The following NSRP1 variants were observed in gnomAD, a reference collection of about 807,000 sequenced individuals.
The protein encoded by NSRP1 is nuclear speckle splicing regulatory protein 1.
A neutral mutation model predicts 54.7 loss-of-function variants in NSRP1; 24 were observed. The observed-to-expected ratio is 0.44, with a 90% CI of 0.32 to 0.62. NSRP1 has a LOEUF of 0.62. Among genes scored for constraint, NSRP1 ranks in the 20% least tolerant of loss-of-function variants. NSRP1 has a pLI of 0.06. For synonymous variants in NSRP1, 210 were observed against 213.8 expected (o/e 0.98, Z 0.15); for missense variants, 596 against 651.2 (o/e 0.92, Z 0.92).
intron 1 of NSRP1, among the ~76,000 whole-genome samples, chr17:30,117,780 A>C (rs1405117470): frequency 6.7e-6 from 1 of 148,876 alleles, no homozygotes; most frequent in Non-Finnish European, 1.5e-5. Flanking sequence ...TTTTTTTTAA[A>C]TGTTACTGTC....
chr17:30,175,148 A>G (rs912164791), intron 3 of NSRP1, among the ~76,000 whole-genome samples: 5 of 152,070 alleles, frequency 3.3e-5, no homozygotes, highest in Non-Finnish European at 1.5e-5. Flanking sequence ...ATTGCTGCAT[A>G]GCTCTGTTTT....
At chr17:30,171,749 A>G (rs931148558) in intron 2 of NSRP1, among the ~76,000 whole-genome samples, 2 of 152,158 alleles carry the variant, frequency 1.3e-5, no homozygotes, top group Admixed American at 6.6e-5. Flanking sequence ...TTTTTGGTAC[A>G]TAGTTTTTGA....
chr17:30,145,096 A>C (rs753679699), intron 2 of NSRP1, among the ~76,000 whole-genome samples: 1 of 152,234 alleles, frequency 6.6e-6, no homozygotes, highest in African/African-American at 2.4e-5. Flanking sequence ...TAACTACAGC[A>C]TATACGTCTA....
intron 2 of NSRP1, among the ~76,000 whole-genome samples, chr17:30,147,270 A>G (rs2071864836): frequency 6.6e-6 from 1 of 151,738 alleles, no homozygotes. Context: ...CTGGGATTAC[A>G]GGCCTCCGCC....
chr17:30,134,051 C>G lies in NSRP1; in HGVS notation c.114+15878C>G, dbSNP rs148684410. Among the ~76,000 whole-genome samples the G allele has an allele frequency of 2.6e-5, 4 of 152,288 alleles. No homozygotes were observed. In the East Asian group the frequency reaches 7.7e-4, roughly 29 times the overall value. On this transcript the variant is annotated intron_variant, in intron 2 of 6. Coordinates refer to ENST00000247026, the MANE Select transcript of NSRP1 (RefSeq NM_032141.4). ...AAGAAACCTGCTACTCTTTCTTTCA[C>G]TTGAACACTTAAAGGCCATTGTAGG...
intron 2 of NSRP1, among the ~76,000 whole-genome samples, chr17:30,130,304 G>T (rs927151682): frequency 2.0e-5 from 3 of 151,718 alleles, no homozygotes; most frequent in Admixed American, 1.3e-4. Flanking sequence ...TCACTATGTT[G>T]CCCAGGCTGT....
At chr17:30,126,238 C>G (rs909217643) in intron 2 of NSRP1, 1 of 152,098 alleles carries the variant, frequency 6.6e-6, no homozygotes, top group East Asian at 1.9e-4. Context: ...ATGCTTTGCC[C>G]CTAGAATGCT....
chr17:30,130,006 G>A (rs1176568581), intron 2 of NSRP1, among the ~76,000 whole-genome samples: 1 of 152,168 alleles, frequency 6.6e-6, no homozygotes, highest in African/African-American at 2.4e-5. Flanking sequence ...AAAGCAAGAA[G>A]AGAGAAAAGG....
At chr17:30,128,641 G>A (rs1019373397) in intron 2 of NSRP1, among the ~76,000 whole-genome samples, 1 of 137,920 alleles carries the variant, frequency 7.3e-6, no homozygotes, top group Admixed American at 7.9e-5. Flanking sequence ...ATTTTGTCTT[G>A]GAATTGTCAG....
intron 2 of NSRP1, chr17:30,156,711 G>T (rs914255452): frequency 1.3e-5 from 2 of 152,040 alleles, no homozygotes; most frequent in Non-Finnish European, 2.9e-5. Flanking sequence ...TAGAGACGGG[G>T]TTTCTCCATG....
intron 2 of NSRP1, chr17:30,144,260 A>ATTTTTT (rs1221600247): frequency 1.4e-5 from 2 of 143,030 alleles, no homozygotes; most frequent in South Asian, 2.2e-4. Context: ...TATTATTATT[A>ATTTTTT]TTATTATTAT....
At chr17:30,126,783 T>TTCGCCATGTTGCCCAGGCGGGTC (rs1368536851) in intron 2 of NSRP1, among the ~76,000 whole-genome samples, 2 of 152,176 alleles carry the variant, frequency 1.3e-5, no homozygotes, top group African/African-American at 4.8e-5. Context: ...GAGACAGGGT[T>TTCGCCATGTTGCCCAGGCGGGTC]TCGCCATGTT....
intron 3 of NSRP1, among the ~76,000 whole-genome samples, chr17:30,174,669 G>A (rs928458891): frequency 1.3e-5 from 2 of 152,126 alleles, no homozygotes; most frequent in Non-Finnish European, 2.9e-5. Flanking sequence ...CTTAGTTGGA[G>A]GGTTTTGTTG....
intron 2 of NSRP1, among the ~76,000 whole-genome samples, chr17:30,156,132 G>A (rs1246316460): frequency 6.6e-6 from 1 of 150,706 alleles, no homozygotes; most frequent in Non-Finnish European, 1.5e-5. Context: ...GAGCCACCAC[G>A]CCCGGCCCAT....
At chr17:30,136,019 C>G (rs2071748249) in intron 2 of NSRP1, among the ~76,000 whole-genome samples, 1 of 151,882 alleles carries the variant, frequency 6.6e-6, no homozygotes, top group Admixed American at 6.6e-5. Context: ...TTGAGACCAT[C>G]CTGGCCAACA....
chr17:30,161,458 G>C (rs1904512651), intron 2 of NSRP1, among the ~76,000 whole-genome samples: 1 of 151,680 alleles, frequency 6.6e-6, no homozygotes, highest in Non-Finnish European at 1.5e-5. Context: ...GCATATTTTG[G>C]GAAAATTTTT....
chr17:30,119,677 G>A (rs183745225), intron 2 of NSRP1, among the ~76,000 whole-genome samples: 2 of 151,962 alleles, frequency 1.3e-5, no homozygotes, highest in Non-Finnish European at 2.9e-5. Context: ...TAATTCTTGT[G>A]TTTTTAGTAG....
rs546351055 is a variant in NSRP1 at position 30,141,875 on chromosome 17, G to A, written c.114+23702G>A. 4.6e-5 allele frequency among the ~76,000 whole-genome samples: 7 copies of A among 152,226 alleles called. No homozygotes were observed. The East Asian group carries it at 5.8e-4, about 13-fold the overall frequency. ...AAGAATTAGCTGGGCATGGTGGCCC[G>A]CACTTGTAGTCCCAGCTACTTGGAA... is the stretch of plus-strand genomic sequence containing the variant. On this transcript the variant is annotated intron_variant, in intron 2 of 6. Transcript: ENST00000247026.
At chr17:30,166,079 A>G (rs1367886406) in intron 2 of NSRP1, among the ~76,000 whole-genome samples, 1 of 152,194 alleles carries the variant, frequency 6.6e-6, no homozygotes, top group Non-Finnish European at 1.5e-5. Flanking sequence ...ATATTTTTAA[A>G]CAGGAACATG....
Sources: allele counts gnomAD v4.1 joint callset (sites outside exome capture counted in the v4.1 genomes callset), GRCh38; gene constraint gnomAD v4.1.1; transcripts MANE v1.5; gene names NCBI Gene and HGNC (gene_info 2026-07-23, HGNC 2026-07-21).